Variants in SLC9A9 observed in about 807,000 individuals in gnomAD.
SLC9A9 encodes solute carrier family 9 member A9.
A neutral mutation model predicts 77.8 loss-of-function variants in SLC9A9; 62 were observed. The observed-to-expected ratio is 0.80, with a 90% CI of 0.65 to 0.98. The LOEUF (loss-of-function observed/expected upper bound fraction) is 0.98, where lower values mean the gene tolerates loss of function less well. Ranked by LOEUF, SLC9A9 falls within the 50% of genes least tolerant of loss-of-function variation. The probability of loss-of-function intolerance (pLI) is 0.00; values close to 1 mark genes in which losing one functional copy is unlikely to be tolerated. For missense variants in SLC9A9, 775 were observed against 774.9 expected, an observed-to-expected ratio of 1.00 and a Z score of 0.00; for synonymous variants, 320 against 283.5, an observed-to-expected ratio of 1.13 and a Z score of -1.29.
chr3:143,600,959 T>A (rs1285870915), intron 6 of SLC9A9, among the ~76,000 whole-genome samples: 1 of 152,194 alleles, frequency 6.6e-6, no homozygotes, highest in Admixed American at 6.5e-5. Context: ...TTATTTCAAC[T>A]GAGCATAACA....
At chr3:143,757,437 C>T (rs2006960448) in intron 4 of SLC9A9, among the ~76,000 whole-genome samples, 1 of 152,092 alleles carries the variant, frequency 6.6e-6, no homozygotes, top group Non-Finnish European at 1.5e-5. Flanking sequence ...GGCTCAATGG[C>T]CATTTTGTGA....
At chr3:143,683,391 G>T (rs1933163616) in intron 5 of SLC9A9, among the ~76,000 whole-genome samples, 1 of 152,124 alleles carries the variant, frequency 6.6e-6, no homozygotes, top group African/African-American at 2.4e-5. Flanking sequence ...CCAGAATGTG[G>T]TACATCTTGT....
chr3:143,697,745 A>AAAG (rs10656483), intron 4 of SLC9A9, among the ~76,000 whole-genome samples: 52,803 of 117,130 alleles, frequency 0.45, 9,653 homozygotes, highest in East Asian at 0.53. Context: ...TTCAAAAAAG[A>AAAG]AAGATTACTT....
intron 9 of SLC9A9, among the ~76,000 whole-genome samples, chr3:143,512,893 ACAAAG>A (rs972446235): frequency 1.2e-4 from 19 of 152,288 alleles, no homozygotes; most frequent in African/African-American, 4.6e-4. Context: ...AACAAACAAA[ACAAAG>A]CAAACAAAAG....
intron 11 of SLC9A9, among the ~76,000 whole-genome samples, chr3:143,469,856 A>C (rs2035348001): frequency 6.6e-6 from 1 of 152,234 alleles, no homozygotes; most frequent in South Asian, 2.1e-4. Flanking sequence ...AAGGAAGATA[A>C]CATTTGAAGT....
intron 6 of SLC9A9, among the ~76,000 whole-genome samples, chr3:143,630,490 C>A (rs1418880412): frequency 6.6e-6 from 1 of 152,096 alleles, no homozygotes; most frequent in Non-Finnish European, 1.5e-5. Context: ...AGCATAAAGC[C>A]TTTTCTTTTA....
intron 14 of SLC9A9, among the ~76,000 whole-genome samples, chr3:143,342,963 C>T (rs775699804): frequency 3.3e-5 from 5 of 152,160 alleles, no homozygotes; most frequent in Non-Finnish European, 7.3e-5. Context: ...ATATAATCCC[C>T]AAATGCTAGT....
At chr3:143,484,654 T>C (rs1294928155) in intron 11 of SLC9A9, among the ~76,000 whole-genome samples, 1 of 152,196 alleles carries the variant, frequency 6.6e-6, no homozygotes, top group Non-Finnish European at 1.5e-5. Context: ...AGGGACATGT[T>C]AGACATGCTG....
chr3:143,321,906 T>G (rs1327000062), intron 14 of SLC9A9, among the ~76,000 whole-genome samples: 2 of 152,120 alleles, frequency 1.3e-5, no homozygotes, highest in African/African-American at 4.8e-5. Flanking sequence ...TAAGTGAATA[T>G]CCACACAACA....
intron 14 of SLC9A9, among the ~76,000 whole-genome samples, chr3:143,334,570 G>C (rs2031868028): frequency 6.6e-6 from 1 of 152,048 alleles, no homozygotes; most frequent in African/African-American, 2.4e-5. Context: ...CTGTAAAACG[G>C]GCTTAGTAGC....
At position 143,266,094 on chromosome 3, in the gene SLC9A9, A is replaced by G. The variant is rs1273753274; in HGVS notation, c.*608T>C. On this transcript the variant is annotated 3_prime_UTR_variant, in exon 16 of 16. Transcript: ENST00000316549. ...TTTGAGCGATGGGAGAAGTAGCATA[A>G]GAAGGATGCCAAGAAGAACAATAGG... The G allele has an allele frequency of 1.3e-5, 9 of 702,266 alleles. No homozygotes were observed. The East Asian group carries it at 2.4e-4, about 19-fold the overall frequency. 43.5% of individuals were successfully genotyped at this position (702,266 alleles called of 1,614,324 possible).
At chr3:143,309,126 G>A (rs2030924885) in intron 14 of SLC9A9, among the ~76,000 whole-genome samples, 1 of 152,130 alleles carries the variant, frequency 6.6e-6, no homozygotes, top group Non-Finnish European at 1.5e-5. Flanking sequence ...TCATATCAAA[G>A]AGTCTCTACT....
At chr3:143,384,332 A>T (rs2033371631) in intron 12 of SLC9A9, among the ~76,000 whole-genome samples, 1 of 152,152 alleles carries the variant, frequency 6.6e-6, no homozygotes, top group South Asian at 2.1e-4. Context: ...GCCCTCCAGC[A>T]GGTGCTGGCT....
At chr3:143,667,109 G>A (rs1192111469) in intron 5 of SLC9A9, among the ~76,000 whole-genome samples, 1 of 152,184 alleles carries the variant, frequency 6.6e-6, no homozygotes, top group Non-Finnish European at 1.5e-5. Flanking sequence ...AACTAAAACA[G>A]CATGGTACTG....
Position 143,423,216 on chromosome 3 carries a change from TACACAC to T in SLC9A9, c.1470-41108_1470-41103del, listed in dbSNP as rs68149837. ...ATCTCTACTTACCCTCACACACACG[TACACAC>T]ACACACACGTGTACACACGCGCGTG... On this transcript the variant is annotated intron_variant, in intron 12 of 15. Coordinates refer to ENST00000316549, the MANE Select transcript of SLC9A9 (RefSeq NM_173653.4). 1.9e-3 allele frequency among the ~76,000 whole-genome samples: 280 copies of T among 144,250 alleles called. 3 individuals are homozygous for T. The highest frequency in any genetic ancestry group is 6.1e-3 in the African/African-American group (241 of 39,510). The allele number at this position is 144,250 out of a possible 152,430, so 94.6% of individuals were successfully genotyped here. A position where few individuals can be genotyped will look rare whatever the true frequency, so the allele number is the denominator to read the frequency against.
At chr3:143,723,790 G>C (rs1019728781) in intron 4 of SLC9A9, among the ~76,000 whole-genome samples, 1 of 152,186 alleles carries the variant, frequency 6.6e-6, no homozygotes, top group Non-Finnish European at 1.5e-5. Context: ...GGTGTGTTCT[G>C]TGGTCCAGCA....
At chr3:143,822,537 G>A (rs572464375) in intron 2 of SLC9A9, among the ~76,000 whole-genome samples, 1 of 152,282 alleles carries the variant, frequency 6.6e-6, no homozygotes, top group East Asian at 1.9e-4. Context: ...GCTTCGTTAG[G>A]TCCCCTCCCC....
At chr3:143,286,291 C>A (rs1376872051) in intron 14 of SLC9A9, among the ~76,000 whole-genome samples, 1 of 152,132 alleles carries the variant, frequency 6.6e-6, no homozygotes, top group Non-Finnish European at 1.5e-5. Flanking sequence ...TCTCAATAAA[C>A]CTTCCCAGGA....
chr3:143,592,240 T>A (rs988318109), intron 6 of SLC9A9, among the ~76,000 whole-genome samples: 7 of 152,288 alleles, frequency 4.6e-5, no homozygotes, highest in Non-Finnish European at 1.0e-4. Flanking sequence ...CAAGAGGACC[T>A]TGGTGGCTGG....
Sources: gnomAD v4.1 joint callset for allele counts (sites outside exome capture counted in the v4.1 genomes callset) on GRCh38, gnomAD v4.1.1 for gene constraint, MANE v1.5 for transcripts, NCBI Gene and HGNC (gene_info 2026-07-23, HGNC 2026-07-21) for gene names.